The following LRRIQ1 variants were observed in gnomAD, a reference collection of about 807,000 sequenced individuals.
LRRIQ1 encodes leucine rich repeats and IQ motif containing 1, also known as leucine-rich repeat- and IQ domain-containing protein 1.
In LRRIQ1, 210 loss-of-function variants were observed where a neutral mutation model predicts 211.9. The observed-to-expected ratio is 0.99, with a 90% CI of 0.89 to 1.11. The LOEUF is 1.11. Ranked by LOEUF, LRRIQ1 falls within the 50% of genes most tolerant of loss-of-function variation. The pLI is 0.00. For missense variants in LRRIQ1, 2,136 were observed against 1,939.5 expected (o/e 1.10, Z -1.90); for synonymous variants, 699 against 650.1 (o/e 1.08, Z -1.14).
intron 24 of LRRIQ1, among the ~76,000 whole-genome samples, chr12:85,205,588 C>T (rs1320485564): frequency 6.6e-6 from 1 of 151,944 alleles, no homozygotes; most frequent in African/African-American, 2.4e-5. Context: ...GGGAGGGTCT[C>T]CTTATGTAGT....
rs557542819 is a variant in LRRIQ1, at chr12:85,092,857, A to G, written c.2888-5498A>G. Among the ~76,000 whole-genome samples the G allele has an allele frequency of 4.6e-5, 7 of 152,338 alleles. No homozygotes were observed. The South Asian group carries it at 1.4e-3, about 32-fold the overall frequency. On this transcript the variant is annotated intron_variant, in intron 11 of 26. Coordinates refer to ENST00000393217, the MANE Select transcript of LRRIQ1 (RefSeq NM_001079910.2). ...CGCTAAAGCAAAGAAGTCCTTTGCT[A>G]TTGATGAAGAGTTAATCCTGCCTGC...
chr12:85,089,586 C>T (rs1885172260), intron 11 of LRRIQ1, among the ~76,000 whole-genome samples: 1 of 152,174 alleles, frequency 6.6e-6, no homozygotes, highest in Non-Finnish European at 1.5e-5. Flanking sequence ...GCATTGTATT[C>T]ATACCCTAGT....
chr12:85,061,769 A>T (rs1309205831), intron 8 of LRRIQ1, among the ~76,000 whole-genome samples: 1 of 151,796 alleles, frequency 6.6e-6, no homozygotes, highest in Non-Finnish European at 1.5e-5. Context: ...ACTAGGCAGT[A>T]TATAGAAGTT....
chr12:85,257,678 A>T (rs778978660), intron 1 of LRRIQ1, among the ~76,000 whole-genome samples: 1 of 151,860 alleles, frequency 6.6e-6, no homozygotes, highest in Non-Finnish European at 1.5e-5. Flanking sequence ...GGTTTTAGTT[A>T]ATTTACAGGC....
chr12:85,257,405 G>T (rs1223890450), intron 1 of LRRIQ1, among the ~76,000 whole-genome samples: 10 of 150,112 alleles, frequency 6.7e-5, no homozygotes, highest in African/African-American at 2.4e-4. Context: ...TTTGGGAATA[G>T]ACCTTTCCCA....
At chr12:85,247,836 A>G (rs1895775647), downstream of LRRIQ1, among the ~76,000 whole-genome samples, 1 of 48,572 alleles carries the variant, frequency 2.1e-5, no homozygotes, top group African/African-American at 8.3e-5. Flanking sequence ...CATACTGGCC[A>G]TCTCAGGCAA....
At chr12:85,239,679 G>T (rs991866777) in intron 26 of LRRIQ1, among the ~76,000 whole-genome samples, 2 of 151,940 alleles carry the variant, frequency 1.3e-5, no homozygotes, top group African/African-American at 2.4e-5. Context: ...AGCCAAAATT[G>T]TAAAACCTAT....
At chr12:85,204,619 A>G (rs1321806122) in intron 24 of LRRIQ1, among the ~76,000 whole-genome samples, 1 of 152,114 alleles carries the variant, frequency 6.6e-6, no homozygotes, top group Non-Finnish European at 1.5e-5. Context: ...ATCATTTTGG[A>G]GCTTTAAGAT....
intron 18 of LRRIQ1, among the ~76,000 whole-genome samples, chr12:85,132,693 T>G (rs1212908410): frequency 6.6e-6 from 1 of 151,848 alleles, no homozygotes; most frequent in Non-Finnish European, 1.5e-5. Context: ...GCCCGGATGG[T>G]CAAGGCTACA....
At chr12:85,230,400 T>G (rs1287261203) in intron 25 of LRRIQ1, among the ~76,000 whole-genome samples, 1 of 152,212 alleles carries the variant, frequency 6.6e-6, no homozygotes, top group Non-Finnish European at 1.5e-5. Flanking sequence ...ACTTTCTTGC[T>G]GTATCCTCAC....
intron 24 of LRRIQ1, among the ~76,000 whole-genome samples, chr12:85,184,606 T>C (rs2136903818): frequency 6.6e-6 from 1 of 152,146 alleles, no homozygotes; most frequent in South Asian, 2.1e-4. Flanking sequence ...AGCCACCTAT[T>C]TGAGCTGTTA....
chr12:85,128,679 C>T (rs952089732), intron 18 of LRRIQ1, among the ~76,000 whole-genome samples: 15 of 152,262 alleles, frequency 9.9e-5, no homozygotes, highest in African/African-American at 3.4e-4. Context: ...GCAGGTCTTG[C>T]TTGGCCTTGA....
intron 24 of LRRIQ1, among the ~76,000 whole-genome samples, chr12:85,197,297 A>G (rs1311143628): frequency 1.3e-5 from 2 of 151,614 alleles, no homozygotes; most frequent in African/African-American, 4.8e-5. Flanking sequence ...AGAACTGGAA[A>G]TACCATTTGA....
At chr12:85,079,244 C>CTTTTTTTTTTTT (rs3058476) in intron 11 of LRRIQ1, among the ~76,000 whole-genome samples, 1 of 103,578 alleles carries the variant, frequency 9.7e-6, no homozygotes, top group African/African-American at 4.1e-5. Flanking sequence ...GTATCTTTAT[C>CTTTTTTTTTTTT]TTTTTTTTTT....
At chr12:85,214,832 A>G (rs1164216875) in intron 24 of LRRIQ1, among the ~76,000 whole-genome samples, 1 of 152,148 alleles carries the variant, frequency 6.6e-6, no homozygotes, top group African/African-American at 2.4e-5. Flanking sequence ...AGTACTAGTC[A>G]TATTAATAAA....
At chr12:85,160,892 C>A (rs892270097) in intron 24 of LRRIQ1, among the ~76,000 whole-genome samples, 178 bp downstream of exon 24, 5 of 151,726 alleles carry the variant, frequency 3.3e-5, no homozygotes, top group African/African-American at 7.3e-5. Flanking sequence ...ATTTAGTGTG[C>A]TGAAATATTG....
At position 85,218,226 on chromosome 12, in the gene LRRIQ1, C is replaced by A. The variant is rs115355538; in HGVS notation, c.4823-11291C>A. On this transcript the variant is annotated intron_variant, in intron 24 of 26. Transcript: ENST00000393217. Reference sequence around the variant, plus strand: ...ATATTTAGAATTCTGGTAAGGAGTACTTCCTGGACTTACCCCCTAGACAAT... The same window carrying A: ...ATATTTAGAATTCTGGTAAGGAGTAATTCCTGGACTTACCCCCTAGACAAT... Among the ~76,000 whole-genome samples the A allele has an allele frequency of 9.4e-3, 1,433 of 151,758 alleles. 15 individuals carry two copies. The highest frequency in any genetic ancestry group is 0.032 in the African/African-American group (1,332 of 41,410).
At chr12:85,053,557 T>C (rs1339290484) in intron 7 of LRRIQ1, among the ~76,000 whole-genome samples, 1 of 152,140 alleles carries the variant, frequency 6.6e-6, no homozygotes, top group Non-Finnish European at 1.5e-5. Context: ...AATGGTTTCT[T>C]TGTTTATTAG....
intron 15 of LRRIQ1, among the ~76,000 whole-genome samples, chr12:85,108,829 C>T (rs913596493): frequency 4.6e-5 from 7 of 152,088 alleles, no homozygotes; most frequent in Admixed American, 1.3e-4. Context: ...CCAATACAAA[C>T]ATGCTAAGTA....
Sources: allele counts gnomAD v4.1 joint callset (sites outside exome capture counted in the v4.1 genomes callset), GRCh38; gene constraint gnomAD v4.1.1; transcripts MANE v1.5; gene names NCBI Gene and HGNC (gene_info 2026-07-23, HGNC 2026-07-21).